RAB31: variants seen among roughly 807,000 people sequenced by gnomAD.
RAB31 encodes RAB31, member RAS oncogene family, also known as ras-related protein Rab-31.
A neutral mutation model predicts 25.6 loss-of-function variants in RAB31; 21 were observed. That is an observed-to-expected ratio of 0.82 (90% confidence interval 0.58 to 1.18). The LOEUF (loss-of-function observed/expected upper bound fraction) is 1.18, where lower values mean the gene tolerates loss of function less well. Among genes scored for constraint, RAB31 ranks in the 50% most tolerant of loss-of-function variants. The pLI is 0.00. For synonymous variants in RAB31, 87 were observed against 84.0 expected (o/e 1.04, Z -0.20); for missense variants, 196 against 250.1 (o/e 0.78, Z 1.46).
chr18:9,722,092 AG>A (rs1385755823), intron 1 of RAB31, among the ~76,000 whole-genome samples: 2 of 151,734 alleles, frequency 1.3e-5, no homozygotes, highest in Admixed American at 1.3e-4. Context: ...GAGGGAGAGG[AG>A]GGTGTAGAAG....
intron 1 of RAB31, among the ~76,000 whole-genome samples, chr18:9,773,442 C>T (rs969999626): frequency 8.5e-5 from 13 of 152,102 alleles, no homozygotes; most frequent in Non-Finnish European, 1.3e-4. Flanking sequence ...GTTTTCAGAA[C>T]GCCTCCACGA....
At chr18:9,788,141 A>G (rs571504032) in intron 2 of RAB31, among the ~76,000 whole-genome samples, 6 of 152,344 alleles carry the variant, frequency 3.9e-5, no homozygotes, top group Non-Finnish European at 8.8e-5. Context: ...TTGAACTTTG[A>G]AATAAAAGGG....
intron 1 of RAB31, among the ~76,000 whole-genome samples, chr18:9,722,376 G>A (rs2068077504): frequency 6.6e-6 from 1 of 152,154 alleles, no homozygotes; most frequent in Admixed American, 6.5e-5. Flanking sequence ...TGTTTTGAAG[G>A]TAGAGCTGAC....
At chr18:9,759,990 A>G (rs1276762477) in intron 1 of RAB31, among the ~76,000 whole-genome samples, 1 of 152,060 alleles carries the variant, frequency 6.6e-6, no homozygotes. Context: ...GAGGGTGGGT[A>G]AATGGTCCCT....
chr18:9,758,658 G>T lies in RAB31; in HGVS notation c.40-16620G>T, dbSNP rs2068272108. Among the ~76,000 whole-genome samples, 5 of 152,238 alleles carry T rather than the reference G, an allele frequency of 3.3e-5. No homozygotes were observed. The South Asian group carries it at 1.0e-3, about 32-fold the overall frequency. On this transcript the variant is annotated intron_variant, in intron 1 of 6. Coordinates refer to ENST00000578921, the MANE Select transcript of RAB31 (RefSeq NM_006868.4). The stretch of plus-strand genomic sequence containing the variant: ...TTGTCTGTGTTCCTCACTGAACCAG[G>T]AGCCTGTGAGGGTAGACACATGGGA...
At chr18:9,834,618 T>A (rs1038289577) in intron 5 of RAB31, among the ~76,000 whole-genome samples, 1 of 152,198 alleles carries the variant, frequency 6.6e-6, no homozygotes, top group East Asian at 1.9e-4. Flanking sequence ...AAAGAAGTCA[T>A]AAAGAAATAT....
chr18:9,815,363 G>C, intron 5 of RAB31, 141 bp downstream of exon 5: 1 of 135,502 alleles, frequency 7.4e-6, no homozygotes, highest in Non-Finnish European at 1.3e-5. Context: ...TGTAGATGCT[G>C]TCCTCCATCC....
chr18:9,778,613 G>C (rs1440740068), intron 2 of RAB31, among the ~76,000 whole-genome samples: 1 of 152,110 alleles, frequency 6.6e-6, no homozygotes, highest in Non-Finnish European at 1.5e-5. Context: ...TGGGATTACA[G>C]TTGCACGCCA....
intron 1 of RAB31, among the ~76,000 whole-genome samples, chr18:9,739,580 A>G (rs994113552): frequency 1.3e-5 from 2 of 151,954 alleles, no homozygotes; most frequent in African/African-American, 4.8e-5. Flanking sequence ...TATCTGGATG[A>G]TTCTTAGCCT....
intron 1 of RAB31, among the ~76,000 whole-genome samples, chr18:9,716,930 C>CT (rs764535305): frequency 3.2e-4 from 47 of 145,182 alleles, no homozygotes; most frequent in Admixed American, 1.2e-3. Context: ...TTCTTTCTTT[C>CT]TTTTTTTTTT....
intron 1 of RAB31, among the ~76,000 whole-genome samples, chr18:9,710,823 A>G (rs1438572132): frequency 6.6e-6 from 1 of 152,030 alleles, no homozygotes; most frequent in African/African-American, 2.4e-5. Flanking sequence ...ACGCCACTGC[A>G]CTCCAGTCCG....
chr18:9,824,241 GATGT>G (rs1444057848), intron 5 of RAB31, among the ~76,000 whole-genome samples: 1 of 151,142 alleles, frequency 6.6e-6, no homozygotes, highest in Admixed American at 6.6e-5. Flanking sequence ...TGTGTGTGTA[GATGT>G]ATGTGTGTAT....
chr18:9,842,765 A>C (rs16955753), intron 5 of RAB31, among the ~76,000 whole-genome samples: 3,599 of 152,308 alleles, frequency 0.024, 129 homozygotes, highest in African/African-American at 0.082. Context: ...GTGCCATTGC[A>C]GCCCTGTAGG....
chr18:9,750,974 C>G (rs930071977), intron 1 of RAB31, among the ~76,000 whole-genome samples: 1 of 152,092 alleles, frequency 6.6e-6, no homozygotes, highest in Non-Finnish European at 1.5e-5. Context: ...ACTCCTGGAA[C>G]GAGGCATCAT....
intron 3 of RAB31, among the ~76,000 whole-genome samples, chr18:9,796,430 C>G (rs1171893266): frequency 2.0e-5 from 3 of 152,100 alleles, no homozygotes; most frequent in Non-Finnish European, 4.4e-5. Flanking sequence ...TAAAATATAG[C>G]TAAAATATGC....
At chr18:9,827,878 A>G (rs2068657815) in intron 5 of RAB31, among the ~76,000 whole-genome samples, 1 of 152,156 alleles carries the variant, frequency 6.6e-6, no homozygotes, top group Non-Finnish European at 1.5e-5. Context: ...GGCAGCCAAG[A>G]AAGGGGGTGG....
At chr18:9,732,433 C>T (rs75687188) in intron 1 of RAB31, among the ~76,000 whole-genome samples, 3,614 of 152,348 alleles carry the variant, frequency 0.024, 69 homozygotes, top group Admixed American at 0.057. Context: ...ACATTAGACC[C>T]TGTGGTGACA....
intron 5 of RAB31, among the ~76,000 whole-genome samples, chr18:9,842,436 T>C (rs2068739278): frequency 6.6e-6 from 1 of 152,084 alleles, no homozygotes; most frequent in African/African-American, 2.4e-5. Context: ...CCCAGGAAAC[T>C]CTGAGGGTTT....
intron 5 of RAB31, among the ~76,000 whole-genome samples, chr18:9,839,317 G>A (rs1213083877): frequency 6.6e-6 from 1 of 152,186 alleles, no homozygotes; most frequent in African/African-American, 2.4e-5. Context: ...GGGCAAACAG[G>A]GGAAGAGTAA....
Sources: gnomAD v4.1 joint callset for allele counts (sites outside exome capture counted in the v4.1 genomes callset) on GRCh38, gnomAD v4.1.1 for gene constraint, MANE v1.5 for transcripts, NCBI Gene and HGNC (gene_info 2026-07-23, HGNC 2026-07-21) for gene names.